The following COP1 variants were observed in gnomAD, a reference collection of about 807,000 sequenced individuals.
COP1 encodes E3 ubiquitin-protein ligase COP1.
In COP1, 24 loss-of-function variants were observed where a neutral mutation model predicts 101.3. The observed-to-expected ratio is 0.24, with a 90% CI of 0.17 to 0.33. The LOEUF (loss-of-function observed/expected upper bound fraction) is 0.33, where lower values mean the gene tolerates loss of function less well. Ranked by LOEUF, COP1 falls within the 10% of genes least tolerant of loss-of-function variation. The probability of loss-of-function intolerance (pLI) is 1.00; values close to 1 mark genes in which losing one functional copy is unlikely to be tolerated. For synonymous variants in COP1, 347 were observed against 341.9 expected, an observed-to-expected ratio of 1.01 and a Z score of -0.17; for missense variants, 663 against 906.2, an observed-to-expected ratio of 0.73 and a Z score of 3.45.
intron 9 of COP1, among the ~76,000 whole-genome samples, chr1:176,086,211 A>C (rs1680109449): frequency 6.9e-6 from 1 of 143,950 alleles, no homozygotes; most frequent in South Asian, 2.2e-4. Flanking sequence ...TAAAATTTAG[A>C]ATTTTGGGAA....
At chr1:176,087,009 A>C (rs1680314417) in intron 9 of COP1, among the ~76,000 whole-genome samples, 2 of 152,234 alleles carry the variant, frequency 1.3e-5, no homozygotes, top group Non-Finnish European at 2.9e-5. Flanking sequence ...GAAATGGGGA[A>C]AGGATTCCCT....
At chr1:176,001,896 A>C (rs1334206162) in intron 15 of COP1, among the ~76,000 whole-genome samples, 1 of 152,060 alleles carries the variant, frequency 6.6e-6, no homozygotes, top group African/African-American at 2.4e-5. Context: ...TTTCCTTTCA[A>C]TACTTTAAAC....
At chr1:175,995,653 T>C (rs1476573630) in intron 15 of COP1, among the ~76,000 whole-genome samples, 1 of 152,002 alleles carries the variant, frequency 6.6e-6, no homozygotes, top group African/African-American at 2.4e-5. Context: ...CTAGAACAAA[T>C]GGATAAATTC....
chr1:176,099,778 C>T (rs936958319), intron 9 of COP1, among the ~76,000 whole-genome samples: 1 of 152,158 alleles, frequency 6.6e-6, no homozygotes, highest in South Asian at 2.1e-4. Flanking sequence ...GTCTACACAG[C>T]TGCTGTAGAG....
intron 14 of COP1, among the ~76,000 whole-genome samples, chr1:176,035,710 C>CAAAAAAAAAAA (rs71129541): frequency 1.4e-5 from 1 of 73,108 alleles, no homozygotes; most frequent in Non-Finnish European, 2.5e-5. Context: ...AAAACGAGAC[C>CAAAAAAAAAAA]AAAAAAAAAA....
At chr1:176,100,719 G>A (rs1010958837) in intron 9 of COP1, among the ~76,000 whole-genome samples, 1 of 152,152 alleles carries the variant, frequency 6.6e-6, no homozygotes, top group Non-Finnish European at 1.5e-5. Context: ...CAAGAACTAT[G>A]CACCCAAATC....
At chr1:176,027,123 C>T (rs1031381262) in intron 15 of COP1, among the ~76,000 whole-genome samples, 1 of 152,086 alleles carries the variant, frequency 6.6e-6, no homozygotes, top group Non-Finnish European at 1.5e-5. Flanking sequence ...CTCCATGATA[C>T]AAGACTATGT....
intron 3 of COP1, among the ~76,000 whole-genome samples, chr1:176,166,788 T>C (rs1272552962): frequency 6.6e-6 from 1 of 151,962 alleles, no homozygotes; most frequent in Non-Finnish European, 1.5e-5. Context: ...AATACAAAAC[T>C]TTCCCAGGTG....
chr1:176,115,365 G>A (rs567978237), intron 9 of COP1, among the ~76,000 whole-genome samples: 6 of 152,050 alleles, frequency 3.9e-5, no homozygotes, highest in East Asian at 1.9e-4. Flanking sequence ...CTGGAGAATC[G>A]CTTGAACCCA....
intron 1 of COP1, 71 bp downstream of exon 1, chr1:176,206,501 C>A: frequency 1.3e-6 from 2 of 1,562,532 alleles, no homozygotes; most frequent in South Asian, 1.1e-5. Context: ...CACACCAGAC[C>A]CCCCGCCCCC....
chr1:176,172,978 C>G (rs1051941758), intron 3 of COP1, among the ~76,000 whole-genome samples: 1 of 152,124 alleles, frequency 6.6e-6, no homozygotes, highest in Non-Finnish European at 1.5e-5. Flanking sequence ...CCACTGAAAG[C>G]TGCACTAGAG....
At position 176,028,634 on chromosome 1, in the gene COP1, C is replaced by A. The variant is rs142779909; in HGVS notation, c.1613-946G>T. Among the ~76,000 whole-genome samples, 155 of 137,232 alleles carry A rather than the reference C, an allele frequency of 1.1e-3. 2 individuals carry two copies. The East Asian group carries it at 0.017, about 15-fold the overall frequency. 90.0% of individuals were successfully genotyped at this position (137,232 alleles called of 152,430 possible). On this transcript the variant is annotated intron_variant, in intron 14 of 19. Coordinates refer to ENST00000367669, the MANE Select transcript of COP1 (RefSeq NM_022457.7). ...TATACTCAGATGTAACACAGACCCA[C>A]AACTAAGACATAAAAGACAGGAACA...
intron 14 of COP1, among the ~76,000 whole-genome samples, chr1:176,028,488 C>T: frequency 6.8e-6 from 1 of 147,922 alleles, no homozygotes; most frequent in African/African-American, 2.5e-5. Flanking sequence ...TCACTTGAGT[C>T]CAGGAGGCAG....
chr1:176,175,945 A>G lies in COP1; in HGVS notation c.530T>C (p.Val177Ala). Residue 177 changes from valine to alanine, a missense_variant, in exon 3 of 20, where the codon GTG becomes GCG. Val to Ala is a moderately conservative substitution (Grantham distance 64). Transcript: ENST00000367669. Reference sequence around the variant, plus strand: ...AGGATACAGATGGTCAATATTGTCCACAACATAGTTACACTTGGGACATCT... The same window carrying G: ...AGGATACAGATGGTCAATATTGTCCGCAACATAGTTACACTTGGGACATCT... ...NNRCPKCNYV[V>A]DNIDHLYPNF... The G allele has an allele frequency of 6.3e-7, 1 of 1,588,094 alleles. No homozygotes were observed. Among genetic ancestry groups the G allele is most frequent in the Non-Finnish European group, 8.6e-7 (1 of 1,158,488 alleles).
chr1:176,176,541 AG>A (rs1446124849), intron 2 of COP1, among the ~76,000 whole-genome samples: 1 of 152,214 alleles, frequency 6.6e-6, no homozygotes, highest in African/African-American at 2.4e-5. Flanking sequence ...ACTGCCAGTA[AG>A]GCACAACGGC....
intron 15 of COP1, among the ~76,000 whole-genome samples, chr1:176,015,850 A>T (rs1202507738): frequency 6.6e-6 from 1 of 152,212 alleles, no homozygotes; most frequent in East Asian, 1.9e-4. Context: ...TGGTGGCAGA[A>T]GCCTTGGTGA....
At chr1:176,068,611 T>C (rs916554576) in intron 11 of COP1, among the ~76,000 whole-genome samples, 1 of 152,228 alleles carries the variant, frequency 6.6e-6, no homozygotes, top group Non-Finnish European at 1.5e-5. Flanking sequence ...CCAGTTAAGC[T>C]AGATAACTAA....
At chr1:176,081,395 T>C (rs1296525332) in intron 10 of COP1, 108 bp from the exon 11 acceptor site, 6 of 829,112 alleles carry the variant, frequency 7.2e-6, no homozygotes. Flanking sequence ...CAAAAAACAA[T>C]TTTTAAAGAT....
chr1:176,071,146 C>T (rs1377440385), intron 11 of COP1, among the ~76,000 whole-genome samples: 1 of 152,150 alleles, frequency 6.6e-6, no homozygotes, highest in Admixed American at 6.6e-5. Flanking sequence ...AGATGAATCC[C>T]TCATGGCTTG....
Sources: gnomAD v4.1 joint callset for allele counts (sites outside exome capture counted in the v4.1 genomes callset) on GRCh38, gnomAD v4.1.1 for gene constraint, MANE v1.5 for transcripts, NCBI Gene and HGNC (gene_info 2026-07-23, HGNC 2026-07-21) for gene names.